The following RPTOR variants were observed in gnomAD, a reference collection of about 807,000 sequenced individuals.
RPTOR encodes regulatory-associated protein of mTOR.
Under a neutral mutation model 169.9 loss-of-function variants are expected in RPTOR, and 21 were observed. The observed-to-expected ratio is 0.12, with a 90% CI of 0.09 to 0.18. RPTOR has a LOEUF of 0.18. RPTOR is among the 10% of genes least tolerant of loss of function. The probability of loss-of-function intolerance (pLI) is 1.00; values close to 1 mark genes in which losing one functional copy is unlikely to be tolerated. For missense variants in RPTOR, 1,133 were observed against 1,855.9 expected, an observed-to-expected ratio of 0.61 and a Z score of 7.16; for synonymous variants, 732 against 753.2, an observed-to-expected ratio of 0.97 and a Z score of 0.46.
At chr17:80,958,401 G>GTTTT (rs2069285064) in intron 29 of RPTOR, among the ~76,000 whole-genome samples, 1 of 106,752 alleles carries the variant, frequency 9.4e-6, no homozygotes, top group African/African-American at 4.3e-5. Flanking sequence ...GAAGATTTTT[G>GTTTT]TTTCTTTTTT....
Position 80,634,734 on chromosome 17 carries a change from CTG to C in RPTOR, c.265+8950_265+8951del, listed in dbSNP as rs756574438. 3.5e-3 allele frequency among the ~76,000 whole-genome samples: 300 copies of C among 85,952 alleles called. 24 individuals carry two copies. The highest frequency in any genetic ancestry group is 5.9e-3 in the Admixed American group (52 of 8,854). The allele number at this position is 85,952 out of a possible 152,430, so 56.4% of individuals were successfully genotyped here. On this transcript the variant is annotated intron_variant, in intron 2 of 33. Transcript: ENST00000306801. Reference sequence around the variant, plus strand: ...TGTGTGCGTACTGTGTGTGTGCGTACTGTGTGTGTGCATACTGTGTGTGTGCG... The same window carrying C: ...TGTGTGCGTACTGTGTGTGTGCGTACTGTGTGTGCATACTGTGTGTGTGCG...
chr17:80,852,605 T>G (rs1470196565), intron 11 of RPTOR, among the ~76,000 whole-genome samples: 1 of 152,116 alleles, frequency 6.6e-6, no homozygotes, highest in Non-Finnish European at 1.5e-5. Flanking sequence ...ACATTCCCAC[T>G]GCTCTTTCTC....
chr17:80,764,538 C>T (rs9914100), intron 6 of RPTOR, among the ~76,000 whole-genome samples: 41,263 of 151,550 alleles, frequency 0.27, 5,784 homozygotes, highest in African/African-American at 0.33. Flanking sequence ...ATATGTGCCA[C>T]ATTTTCTTAA....
In RPTOR at chr17:80,889,755, C is replaced by T. The variant is rs537442024; in HGVS notation, c.1984-1965C>T. On this transcript the variant is annotated intron_variant, in intron 17 of 33. Coordinates refer to ENST00000306801, the MANE Select transcript of RPTOR (RefSeq NM_020761.3). ...GGAGAGCTCTTTGCTGTGTGCCAGGCAGCAGCCTCCAGAGCGAGGCCCGCC... is the reference window on the plus strand; with the variant it reads ...GGAGAGCTCTTTGCTGTGTGCCAGGTAGCAGCCTCCAGAGCGAGGCCCGCC... Among the ~76,000 whole-genome samples, 3 of 152,324 alleles carry T rather than the reference C, an allele frequency of 2.0e-5. No homozygotes were observed. In the East Asian group the frequency reaches 5.8e-4, roughly 29 times the overall value.
intron 1 of RPTOR, chr17:80,593,462 G>A (rs1324540728): frequency 6.5e-6 from 1 of 154,754 alleles, no homozygotes; most frequent in Non-Finnish European, 1.5e-5. Context: ...TAGGACAGAG[G>A]GTCTCAATGT....
chr17:80,824,945 G>A (rs935531609), intron 9 of RPTOR, among the ~76,000 whole-genome samples: 61 of 152,056 alleles, frequency 4.0e-4, no homozygotes, highest in African/African-American at 1.4e-3. Flanking sequence ...CAAGGCCGGC[G>A]TGGGGCAGCC....
Position 80,957,819 on chromosome 17 carries a change from G to T in RPTOR, c.3477+89G>T. On this transcript the variant is annotated intron_variant, in intron 29 of 33. Coordinates refer to ENST00000306801, the MANE Select transcript of RPTOR (RefSeq NM_020761.3). The surrounding 1 kb of genome is among the most constrained non-coding windows in gnomAD (Gnocchi z 4.6). ...GTCACAGAACCCAGCAAAGTGTGCG[G>T]TGAGGCCTGGCCATCCCAGGGGTGG... 8.2e-7 allele frequency: 1 copy of T among 1,221,062 alleles called. No homozygotes were observed. Among genetic ancestry groups the T allele is most frequent in the Non-Finnish European group, 1.2e-6 (1 of 835,956 alleles). The allele number at this position is 1,221,062 out of a possible 1,614,324, so 75.6% of individuals were successfully genotyped here. A position where few individuals can be genotyped will look rare whatever the true frequency, so the allele number is the denominator to read the frequency against.
chr17:80,764,394 G>A (rs2066766424), intron 6 of RPTOR, among the ~76,000 whole-genome samples: 1 of 146,306 alleles, frequency 6.8e-6, no homozygotes, highest in Admixed American at 7.2e-5. Flanking sequence ...TCCCACCTAT[G>A]AGTGAGAACA....
chr17:80,623,283 G>T (rs1167113454), intron 1 of RPTOR, among the ~76,000 whole-genome samples: 2 of 152,024 alleles, frequency 1.3e-5, no homozygotes, highest in Non-Finnish European at 2.9e-5. Flanking sequence ...AACCTGAAAA[G>T]AATCACCAAA....
chr17:80,558,168 G>T (rs556937396), intron 1 of RPTOR, among the ~76,000 whole-genome samples: 305 of 152,274 alleles, frequency 2.0e-3, no homozygotes, highest in Non-Finnish European at 2.8e-3. Context: ...GGGCATGGTG[G>T]CATGTGCCTG....
chr17:80,911,963 C>T (rs1419693421), intron 21 of RPTOR, among the ~76,000 whole-genome samples: 1 of 152,188 alleles, frequency 6.6e-6, no homozygotes, highest in Non-Finnish European at 1.5e-5. Context: ...CCCGAGGCCT[C>T]TCAGATGAGC....
At chr17:80,545,895 G>A (rs1249770416) in intron 1 of RPTOR, 104 bp downstream of exon 1, 1 of 993,200 alleles carries the variant, frequency 1.0e-6, no homozygotes, top group African/African-American at 1.7e-5. Flanking sequence ...TTTCCCCCTA[G>A]CCACACGTTG....
intron 6 of RPTOR, 35 bp from the exon 7 acceptor site, chr17:80,791,415 A>G (rs772036272): frequency 6.2e-7 from 1 of 1,606,124 alleles, no homozygotes. Flanking sequence ...TGACTGTTCC[A>G]TTCATGCCGT....
chr17:80,569,529 AAATG>A (rs756388573), intron 1 of RPTOR, among the ~76,000 whole-genome samples: 6 of 152,192 alleles, frequency 3.9e-5, no homozygotes, highest in Non-Finnish European at 8.8e-5. Context: ...TGTCTCAAAA[AAATG>A]AATGAATGAA....
chr17:80,550,201 C>T (rs1402571182), intron 1 of RPTOR, among the ~76,000 whole-genome samples: 1 of 152,188 alleles, frequency 6.6e-6, no homozygotes, highest in Non-Finnish European at 1.5e-5. Flanking sequence ...TCCATATGGC[C>T]CCAGTTTGTT....
rs1030038610 is a variant in RPTOR, at chr17:80,965,456, G to T, written c.*1126G>T. On this transcript the variant is annotated 3_prime_UTR_variant, in exon 34 of 34. Coordinates refer to ENST00000306801, the MANE Select transcript of RPTOR (RefSeq NM_020761.3). ...AGACAGGAGCTGTGTGGACAGTCCC[G>T]CCCAGGAGGGGCCGCAGGGCGTGTA... 4 of 233,238 alleles carry T rather than the reference G, an allele frequency of 1.7e-5. No individual in the cohort carries two copies. Among genetic ancestry groups the T allele is most frequent in the African/African-American group, 4.4e-5 (2 of 45,356 alleles). 14.4% of individuals were successfully genotyped at this position (233,238 alleles called of 1,614,324 possible).
chr17:80,634,182 C>T (rs57991328), intron 2 of RPTOR, among the ~76,000 whole-genome samples: 1,540 of 102,896 alleles, frequency 0.015, 12 homozygotes, highest in Non-Finnish European at 0.019. Context: ...TGTGTGTGTG[C>T]GCATACTGTG....
intron 3 of RPTOR, among the ~76,000 whole-genome samples, chr17:80,691,482 G>A (rs371509386): frequency 7.9e-5 from 12 of 151,548 alleles, no homozygotes; most frequent in African/African-American, 2.9e-4. Flanking sequence ...GTGCGCATAG[G>A]TGTGTGTGGT....
intron 6 of RPTOR, among the ~76,000 whole-genome samples, chr17:80,767,632 A>G (rs908435226): frequency 1.1e-4 from 17 of 152,236 alleles, no homozygotes; most frequent in African/African-American, 4.1e-4. Flanking sequence ...AACCTTTAAG[A>G]TGAACAGAAT....
Sources: allele counts gnomAD v4.1 joint callset (sites outside exome capture counted in the v4.1 genomes callset), GRCh38; gene constraint gnomAD v4.1.1; non-coding constraint Gnocchi (gnomAD v3.1); transcripts MANE v1.5; gene names NCBI Gene and HGNC (gene_info 2026-07-23, HGNC 2026-07-21).